The following NCOA2 variants were observed in gnomAD, a reference collection of about 807,000 sequenced individuals.
NCOA2 encodes class E basic helix-loop-helix protein 75.
NCOA2 carries 21 observed loss-of-function variants against 145.1 expected under a neutral mutation model. That is an observed-to-expected ratio of 0.14 (90% CI 0.10 to 0.21). NCOA2 has a LOEUF of 0.21. Ranked by LOEUF, NCOA2 falls within the 10% of genes least tolerant of loss-of-function variation. The pLI is 1.00. For synonymous variants in NCOA2, 619 were observed against 637.5 expected, an observed-to-expected ratio of 0.97 and a Z score of 0.44; for missense variants, 1,472 against 1,837.6, an observed-to-expected ratio of 0.80 and a Z score of 3.64.
At chr8:70,333,291 C>T (rs1333310436) in intron 1 of NCOA2, among the ~76,000 whole-genome samples, 4 of 152,190 alleles carry the variant, frequency 2.6e-5, no homozygotes, top group Non-Finnish European at 5.9e-5. Flanking sequence ...TAAGCATTCA[C>T]TATTACACCG....
At position 70,256,845 on chromosome 8, in the gene NCOA2, C is replaced by T. The variant is rs75099772; in HGVS notation, c.-20+39899G>A. Among the ~76,000 whole-genome samples the T allele has an allele frequency of 8.7e-3, 1,323 of 152,302 alleles. 15 individuals carry two copies. The highest frequency in any genetic ancestry group is 0.029 in the African/African-American group (1,218 of 41,562). ...TCAATCACAATACAAAAACAGAGGG[C>T]ACCTGTGCCTACTGTCTCATTGGTT... is the stretch of plus-strand genomic sequence containing the variant. On this transcript the variant is annotated intron_variant, in intron 2 of 22. Transcript: ENST00000452400.
At chr8:70,229,599 G>A (rs1013949506) in intron 2 of NCOA2, among the ~76,000 whole-genome samples, 2 of 152,194 alleles carry the variant, frequency 1.3e-5, no homozygotes, top group South Asian at 2.1e-4. Context: ...GGGGATTTGG[G>A]AGTGTGGGTC....
the NCOA2 span, among the ~76,000 whole-genome samples, chr8:70,419,759 T>C: frequency 2.0e-5 from 3 of 152,246 alleles, no homozygotes; most frequent in Non-Finnish European, 4.4e-5. Flanking sequence ...TAATCAGTTT[T>C]GTCATTTTAA....
chr8:70,252,045 G>A (rs1823232446), intron 2 of NCOA2, among the ~76,000 whole-genome samples: 1 of 152,090 alleles, frequency 6.6e-6, no homozygotes, highest in South Asian at 2.1e-4. Context: ...GCCTATACAA[G>A]GTGCTATGTA....
intron 1 of NCOA2, among the ~76,000 whole-genome samples, chr8:70,386,468 T>C (rs1049332771): frequency 2.6e-5 from 4 of 152,164 alleles, no homozygotes; most frequent in Non-Finnish European, 5.9e-5. Context: ...TTATTACTTA[T>C]AAGTGGCTTT....
intron 2 of NCOA2, among the ~76,000 whole-genome samples, chr8:70,251,151 G>GT (rs150979000): frequency 2.0e-5 from 3 of 151,870 alleles, no homozygotes; most frequent in Non-Finnish European, 4.4e-5. Flanking sequence ...TAACTAGAGA[G>GT]TTTTTTTTCT....
chr8:70,195,609 T>C (rs188239893), intron 4 of NCOA2, among the ~76,000 whole-genome samples: 4 of 152,392 alleles, frequency 2.6e-5, no homozygotes, highest in Admixed American at 2.0e-4. Context: ...TTTTGGCTTG[T>C]AATATTAATT....
chr8:70,394,406 C>T (rs1167359499), intron 1 of NCOA2, among the ~76,000 whole-genome samples: 4 of 152,212 alleles, frequency 2.6e-5, no homozygotes, highest in African/African-American at 2.4e-5. Flanking sequence ...CCGCCCACCT[C>T]GGCCTCCCAA....
chr8:70,328,258 C>G (rs369731231), intron 1 of NCOA2, among the ~76,000 whole-genome samples: 1 of 152,168 alleles, frequency 6.6e-6, no homozygotes, highest in South Asian at 2.1e-4. Flanking sequence ...GAATACAATT[C>G]TAAGTCTTAT....
chr8:70,137,132 C>T lies in NCOA2; in HGVS notation c.3158+1071G>A, dbSNP rs143624310. On this transcript the variant is annotated intron_variant, in intron 15 of 22. Transcript: ENST00000452400. ...TCAGCTCACCACAACCTCTGCCTTC[C>T]GGGTTCAAGCGATTCTCCTGCCTCA... Among the ~76,000 whole-genome samples the T allele has an allele frequency of 8.5e-4, 129 of 152,274 alleles. 1 individual carries two copies. Among genetic ancestry groups the T allele is most frequent in the African/African-American group, 3.0e-3 (124 of 41,558 alleles).
chr8:70,403,383 A>T (rs1054117446), intron 1 of NCOA2, among the ~76,000 whole-genome samples: 4 of 150,088 alleles, frequency 2.7e-5, no homozygotes, highest in Non-Finnish European at 5.9e-5. Flanking sequence ...GCGCTCCGGG[A>T]CTCGTCTCCT....
At chr8:70,208,338 T>C (rs1489152373) in intron 4 of NCOA2, among the ~76,000 whole-genome samples, 2 of 152,124 alleles carry the variant, frequency 1.3e-5, no homozygotes, top group East Asian at 1.9e-4. Context: ...CAAAGGTGAG[T>C]TCATAAAGTT....
At chr8:70,343,633 G>C (rs1467737813) in intron 1 of NCOA2, among the ~76,000 whole-genome samples, 1 of 151,980 alleles carries the variant, frequency 6.6e-6, no homozygotes, top group Non-Finnish European at 1.5e-5. Context: ...GGCCAACATG[G>C]TGAAACCCCA....
At chr8:70,304,668 T>G (rs1197675899) in intron 1 of NCOA2, among the ~76,000 whole-genome samples, 1 of 150,546 alleles carries the variant, frequency 6.6e-6, no homozygotes, top group African/African-American at 2.4e-5. Context: ...GTTTTTTTGT[T>G]TTTTTTTTAG....
intron 2 of NCOA2, among the ~76,000 whole-genome samples, chr8:70,251,080 C>T (rs908432540): frequency 6.6e-6 from 1 of 152,050 alleles, no homozygotes; most frequent in African/African-American, 2.4e-5. Flanking sequence ...TCAGGTGAGC[C>T]AGGGATAAAG....
the NCOA2 span, among the ~76,000 whole-genome samples, chr8:70,446,927 T>G: frequency 6.6e-6 from 1 of 152,204 alleles, no homozygotes; most frequent in Non-Finnish European, 1.5e-5. Context: ...GGAAGCTAAA[T>G]CTGAGCCTGC....
At chr8:70,233,916 G>C (rs748442985) in intron 2 of NCOA2, among the ~76,000 whole-genome samples, 5 of 152,038 alleles carry the variant, frequency 3.3e-5, no homozygotes, top group Non-Finnish European at 5.9e-5. Context: ...TTAAAAAGTA[G>C]TTTTAGTGTA....
intron 4 of NCOA2, among the ~76,000 whole-genome samples, chr8:70,177,135 T>C (rs1354982155): frequency 6.6e-6 from 1 of 152,224 alleles, no homozygotes; most frequent in African/African-American, 2.4e-5. Context: ...CATTCTCCCA[T>C]CTTTCAGTAG....
At chr8:70,257,537 G>A (rs552104964) in intron 2 of NCOA2, among the ~76,000 whole-genome samples, 1 of 152,328 alleles carries the variant, frequency 6.6e-6, no homozygotes, top group East Asian at 1.9e-4. Context: ...GCAGGCAGGA[G>A]GATTAGAGAA....
Sources: allele counts gnomAD v4.1 joint callset (sites outside exome capture counted in the v4.1 genomes callset), GRCh38; gene constraint gnomAD v4.1.1; transcripts MANE v1.5; gene names NCBI Gene and HGNC (gene_info 2026-07-23, HGNC 2026-07-21).